RGPD2: variants seen among roughly 807,000 people sequenced by gnomAD.
The protein encoded by RGPD2 is RANBP2-like and GRIP domain-containing protein 2.
A neutral mutation model predicts 36.0 loss-of-function variants in RGPD2; 2 were observed. The observed-to-expected ratio is 0.06, with a 90% CI of 0.02 to 0.17. RGPD2 has a LOEUF of 0.17. RGPD2 is among the 10% of genes least tolerant of loss of function. The pLI, the probability that RGPD2 is intolerant of heterozygous loss-of-function variation, is 1.00. For missense variants in RGPD2, 40 were observed against 464.3 expected, an observed-to-expected ratio of 0.09 and a Z score of 8.40; for synonymous variants, 19 against 163.8, an observed-to-expected ratio of 0.12 and a Z score of 6.75.
the RGPD2 span, among the ~76,000 whole-genome samples, chr2:87,952,076 C>A: frequency 1.3e-5 from 2 of 152,292 alleles, no homozygotes; most frequent in African/African-American, 4.8e-5. Context: ...CACTTTATGC[C>A]AAATGTACAA....
At chr2:87,824,978 A>C (rs1433621160) in intron 1 of RGPD2, 1 of 390,678 alleles carries the variant, frequency 2.6e-6, no homozygotes, top group African/African-American at 2.1e-5. Flanking sequence ...GCCCACCATA[A>C]TTGCCCCCAT....
chr2:87,987,948 C>T, the RGPD2 span, among the ~76,000 whole-genome samples: 1 of 132,856 alleles, frequency 7.5e-6, no homozygotes, highest in Non-Finnish European at 1.6e-5. Context: ...TTTGCTTAGG[C>T]TTATCATACT....
chr2:87,965,041 T>C, the RGPD2 span, among the ~76,000 whole-genome samples: 6 of 150,696 alleles, frequency 4.0e-5, no homozygotes, highest in African/African-American at 9.7e-5. Flanking sequence ...ACTGGGGCCA[T>C]GGAAGAACCA....
At chr2:87,882,354 T>C in the RGPD2 span, among the ~76,000 whole-genome samples, 4 of 152,288 alleles carry the variant, frequency 2.6e-5, no homozygotes, top group Non-Finnish European at 4.4e-5. Context: ...ATTGTAGAGA[T>C]TATCCTTTCT....
At chr2:87,958,620 C>T in the RGPD2 span, among the ~76,000 whole-genome samples, 9 of 152,198 alleles carry the variant, frequency 5.9e-5, no homozygotes, top group African/African-American at 1.9e-4. Context: ...ATGTTACTAC[C>T]TCATTAGTAT....
the RGPD2 span, among the ~76,000 whole-genome samples, chr2:87,952,570 TAAG>T: frequency 1.3e-5 from 2 of 152,210 alleles, no homozygotes; most frequent in Admixed American, 1.3e-4. Flanking sequence ...ATTAATCAAC[TAAG>T]TATTGGTCAC....
chr2:87,870,332 G>A, the RGPD2 span, among the ~76,000 whole-genome samples: 1 of 152,244 alleles, frequency 6.6e-6, no homozygotes, highest in Non-Finnish European at 1.5e-5. Flanking sequence ...TCCATTCACA[G>A]CCTTGTCTAA....
the RGPD2 span, among the ~76,000 whole-genome samples, chr2:87,906,743 C>T: frequency 1.3e-5 from 2 of 150,690 alleles, no homozygotes; most frequent in African/African-American, 2.4e-5. Flanking sequence ...TATATTGTGC[C>T]TTGATTTTTT....
chr2:87,824,651 A>G (rs1686532117), intron 1 of RGPD2, among the ~76,000 whole-genome samples: 2 of 146,804 alleles, frequency 1.4e-5, no homozygotes, highest in Non-Finnish European at 3.0e-5. Flanking sequence ...TCTAATGTAA[A>G]TGACTTTAAA....
At chr2:87,807,332 A>G in intron 6 of RGPD2, among the ~76,000 whole-genome samples, 1 of 146,032 alleles carries the variant, frequency 6.8e-6, no homozygotes, top group Non-Finnish European at 1.5e-5. Context: ...TTGAGTATCA[A>G]TACAGCAATT....
At chr2:87,989,517 T>G in the RGPD2 span, among the ~76,000 whole-genome samples, 1 of 152,080 alleles carries the variant, frequency 6.6e-6, no homozygotes. Flanking sequence ...ATACAGAAAC[T>G]GTAGAAAACA....
chr2:87,947,867 G>GT, the RGPD2 span, among the ~76,000 whole-genome samples: 1 of 152,274 alleles, frequency 6.6e-6, no homozygotes, highest in Non-Finnish European at 1.5e-5. Context: ...CCCACTGCAC[G>GT]TATTTCCTGC....
the RGPD2 span, among the ~76,000 whole-genome samples, chr2:87,983,267 C>T: frequency 6.6e-6 from 1 of 152,138 alleles, no homozygotes; most frequent in Non-Finnish European, 1.5e-5. Flanking sequence ...TTGTAGTGAG[C>T]CAGGATAGCG....
chr2:87,870,296 T>G, the RGPD2 span, among the ~76,000 whole-genome samples: 1 of 152,290 alleles, frequency 6.6e-6, no homozygotes, highest in Non-Finnish European at 1.5e-5. Flanking sequence ...GAGCCAATCT[T>G]TGGTCTATAG....
chr2:87,826,170 A>G (rs890909578), upstream of RGPD2, among the ~76,000 whole-genome samples: 2 of 152,232 alleles, frequency 1.3e-5, no homozygotes, highest in African/African-American at 4.8e-5. Flanking sequence ...TGTGACTCAG[A>G]TACTACTTGT....
At chr2:87,917,312 A>C in the RGPD2 span, among the ~76,000 whole-genome samples, 2 of 114,696 alleles carry the variant, frequency 1.7e-5, no homozygotes, top group Non-Finnish European at 3.6e-5. Flanking sequence ...GAATGATAGA[A>C]TCTGACAGGA....
chr2:87,848,966 A>G, the RGPD2 span, among the ~76,000 whole-genome samples: 1 of 151,084 alleles, frequency 6.6e-6, no homozygotes, highest in East Asian at 1.9e-4. Flanking sequence ...ACCTATGACA[A>G]AGTAACTTTG....
At position 87,822,301 on chromosome 2, in the gene RGPD2, G is replaced by A. The variant is rs754551412; in HGVS notation, c.72+3357C>T. Among the ~76,000 whole-genome samples, 51 of 152,220 alleles carry A rather than the reference G, an allele frequency of 3.4e-4. No individual in the cohort carries two copies. In the Middle Eastern group the frequency reaches 0.014, roughly 41 times the overall value. On this transcript the variant is annotated intron_variant, in intron 1 of 22. Transcript: ENST00000398146. Reference sequence around the variant, plus strand: ...TTCAGGTAAACATCATTAAAAAAAAGGGTAAGAAATGGTCAAAGAAATAAT... The same window carrying A: ...TTCAGGTAAACATCATTAAAAAAAAAGGTAAGAAATGGTCAAAGAAATAAT...
the RGPD2 span, among the ~76,000 whole-genome samples, chr2:87,956,843 C>G: frequency 6.8e-6 from 1 of 146,752 alleles, no homozygotes; most frequent in Non-Finnish European, 1.5e-5. Flanking sequence ...AAGAATATTG[C>G]GTCACTGATT....
Sources: gnomAD v4.1 joint callset for allele counts (sites outside exome capture counted in the v4.1 genomes callset) on GRCh38, gnomAD v4.1.1 for gene constraint, MANE v1.5 for transcripts, NCBI Gene and HGNC (gene_info 2026-07-23, HGNC 2026-07-21) for gene names.